The following ADAMTS2 variants were observed in gnomAD, a reference collection of about 807,000 sequenced individuals.
The protein encoded by ADAMTS2 is A disintegrin and metalloproteinase with thrombospondin motifs 2.
Under a neutral mutation model 123.0 loss-of-function variants are expected in ADAMTS2, and 50 were observed. The observed-to-expected ratio is 0.41, with a 90% CI of 0.32 to 0.51. The LOEUF is 0.51. Among genes scored for constraint, ADAMTS2 ranks in the 20% least tolerant of loss-of-function variants. The pLI is 0.35. For synonymous variants in ADAMTS2, 678 were observed against 695.4 expected (o/e 0.98, Z 0.39); for missense variants, 1,494 against 1,705.2 (o/e 0.88, Z 2.18).
chr5:179,304,338 C>T (rs1218957298), intron 2 of ADAMTS2, among the ~76,000 whole-genome samples: 1 of 152,150 alleles, frequency 6.6e-6, no homozygotes, highest in Non-Finnish European at 1.5e-5. Context: ...AAAATCTCAA[C>T]TCCTCCAGGC....
Position 179,307,830 on chromosome 5 carries a change from T to A in ADAMTS2, c.535-34766A>T, listed in dbSNP as rs1756721692. ...CTCACAAGGACCTTGGTGAAGGGTGTCCCTTCTCCATCACACTCCACACTG... is the reference window on the plus strand; with the variant it reads ...CTCACAAGGACCTTGGTGAAGGGTGACCCTTCTCCATCACACTCCACACTG... On this transcript the variant is annotated intron_variant, in intron 2 of 21. Coordinates refer to ENST00000251582, the MANE Select transcript of ADAMTS2 (RefSeq NM_014244.5). The surrounding 1 kb of genome is among the most constrained non-coding windows in gnomAD (Gnocchi z 5.6). Among the ~76,000 whole-genome samples, 1 of 152,198 alleles carries A rather than the reference T, an allele frequency of 6.6e-6. No homozygotes were observed. Among genetic ancestry groups the A allele is most frequent in the Admixed American group, 6.5e-5 (1 of 15,288 alleles).
At position 179,189,403 on chromosome 5, in the gene ADAMTS2, A is replaced by G. The variant is rs570593932; in HGVS notation, c.892-8248T>C. Among the ~76,000 whole-genome samples the G allele has an allele frequency of 1.3e-3, 195 of 149,358 alleles. 2 individuals are homozygous for G. Among genetic ancestry groups the G allele is most frequent in the African/African-American group, 4.6e-3 (185 of 40,426 alleles). The stretch of plus-strand genomic sequence containing the variant: ...CTCTCTGTTGCCCAGGTTGGAGTGC[A>G]GTGGCATGATCTCAGCTCACTGCCA... On this transcript the variant is annotated intron_variant, in intron 4 of 21. Coordinates refer to ENST00000251582, the MANE Select transcript of ADAMTS2 (RefSeq NM_014244.5). This position sits in a 1 kb window ranked among gnomAD's most constrained non-coding sequence, Gnocchi z 4.2.
chr5:179,148,965 C>G (rs1763302434), intron 10 of ADAMTS2, among the ~76,000 whole-genome samples: 1 of 250 alleles, frequency 4.0e-3, no homozygotes, highest in South Asian at 0.1. Flanking sequence ...CATCTCTTTC[C>G]TGGCACCATT....
At chr5:179,208,190 T>TGCCCGCA (rs1764763353) in intron 3 of ADAMTS2, among the ~76,000 whole-genome samples, 3 of 86,034 alleles carry the variant, frequency 3.5e-5, no homozygotes, top group Non-Finnish European at 5.9e-5. Flanking sequence ...AGCCACCTCT[T>TGCCCGCA]CTCCCCCGAA....
intron 2 of ADAMTS2, among the ~76,000 whole-genome samples, chr5:179,302,231 G>A (rs1178048563): frequency 1.3e-5 from 2 of 152,008 alleles, no homozygotes; most frequent in Non-Finnish European, 2.9e-5. Context: ...GGAGGCTGAG[G>A]TGGGCGGATC....
rs1400444545 is a variant in ADAMTS2, at chr5:179,162,625, C to T, written c.976-3746G>A. 3.3e-5 allele frequency among the ~76,000 whole-genome samples: 5 copies of T among 152,178 alleles called. No homozygotes were observed. In the East Asian group the frequency reaches 5.8e-4, roughly 18 times the overall value. The stretch of plus-strand genomic sequence containing the variant: ...CACGGTCGCCCCTGCTCGAGGGACC[C>T]AAGAGACAACAAGAGAAGGCACCTC... On this transcript the variant is annotated intron_variant, in intron 5 of 21. Coordinates refer to ENST00000251582, the MANE Select transcript of ADAMTS2 (RefSeq NM_014244.5). This position sits in a 1 kb window ranked among gnomAD's most constrained non-coding sequence, Gnocchi z 5.1.
At chr5:179,187,908 C>T (rs780751408) in intron 4 of ADAMTS2, among the ~76,000 whole-genome samples, 27 of 152,200 alleles carry the variant, frequency 1.8e-4, no homozygotes, top group Non-Finnish European at 3.1e-4. Context: ...GAGGAAGGAG[C>T]GGCTCTGCAT....
rs377675225 is a variant in ADAMTS2 at position 179,322,417 on chromosome 5, G to C, written c.534+21350C>G. Among the ~76,000 whole-genome samples the C allele has an allele frequency of 1.7e-3, 253 of 152,278 alleles. 1 individual carries two copies. Among genetic ancestry groups the C allele is most frequent in the African/African-American group, 5.9e-3 (246 of 41,566 alleles). ...CATGGTCACACAGGAGGGAGTGCAG[G>C]GTCCAGTTCTCCCTCCCCCACCCAG... On this transcript the variant is annotated intron_variant, in intron 2 of 21. Coordinates refer to ENST00000251582, the MANE Select transcript of ADAMTS2 (RefSeq NM_014244.5).
chr5:179,305,887 A>G (rs181472261), intron 2 of ADAMTS2, among the ~76,000 whole-genome samples: 1 of 152,334 alleles, frequency 6.6e-6, no homozygotes, highest in East Asian at 1.9e-4. Context: ...GAAGAAATGC[A>G]TGATTTCCTC....
chr5:179,319,442 G>T (rs112361027), intron 2 of ADAMTS2, among the ~76,000 whole-genome samples: 1 of 151,708 alleles, frequency 6.6e-6, no homozygotes, highest in Non-Finnish European at 1.5e-5. Flanking sequence ...ACATGCACAC[G>T]CCCACACATG....
At chr5:179,139,046 A>G (rs950764526) in intron 11 of ADAMTS2, among the ~76,000 whole-genome samples, 4 of 152,234 alleles carry the variant, frequency 2.6e-5, no homozygotes, top group African/African-American at 9.6e-5. Context: ...AATCTTTAAA[A>G]TACCAGACAG....
In ADAMTS2 at chr5:179,242,249, G is replaced by A. The variant is rs573987883; in HGVS notation, c.688+30662C>T. 1.3e-5 allele frequency among the ~76,000 whole-genome samples: 2 copies of A among 152,194 alleles called. No individual in the cohort carries two copies. Among genetic ancestry groups the A allele is most frequent in the African/African-American group, 2.4e-5 (1 of 41,440 alleles). ...AGAGACGCTGAGCCTTGGCAGCCTCGTGTGGGCCAGCGGTGCCTGCTGTCT... is the reference window on the plus strand; with the variant it reads ...AGAGACGCTGAGCCTTGGCAGCCTCATGTGGGCCAGCGGTGCCTGCTGTCT... On this transcript the variant is annotated intron_variant, in intron 3 of 21. Transcript: ENST00000251582. The surrounding 1 kb of genome is among the most constrained non-coding windows in gnomAD (Gnocchi z 4.2).
At chr5:179,306,612 G>A (rs905393119) in intron 2 of ADAMTS2, among the ~76,000 whole-genome samples, 3 of 152,124 alleles carry the variant, frequency 2.0e-5, no homozygotes, top group African/African-American at 7.2e-5. Context: ...CCAGCACCCA[G>A]CACAGACCCT....
chr5:179,332,958 C>T lies in ADAMTS2; in HGVS notation c.534+10809G>A, dbSNP rs1757519238. On this transcript the variant is annotated intron_variant, in intron 2 of 21. Coordinates refer to ENST00000251582, the MANE Select transcript of ADAMTS2 (RefSeq NM_014244.5). This position sits in a 1 kb window ranked among gnomAD's most constrained non-coding sequence, Gnocchi z 4.2. ...ACAGCCCTGCAGCAAAGGCCAGCTA[C>T]TGCCCTGGGAGCCCTCACCCCCTTA... is the stretch of plus-strand genomic sequence containing the variant. Among the ~76,000 whole-genome samples the T allele has an allele frequency of 6.6e-6, 1 of 152,214 alleles. No homozygotes were observed. Among genetic ancestry groups the T allele is most frequent in the African/African-American group, 2.4e-5 (1 of 41,456 alleles).
At chr5:179,127,903 A>G in intron 17 of ADAMTS2, 56 bp downstream of exon 17, 1 of 1,606,802 alleles carries the variant, frequency 6.2e-7, no homozygotes, top group South Asian at 1.1e-5. Flanking sequence ...GATGCTCCCT[A>G]CCTTCTCGTG....
intron 5 of ADAMTS2, among the ~76,000 whole-genome samples, chr5:179,176,751 C>T (rs1199501384): frequency 6.6e-6 from 1 of 152,232 alleles, no homozygotes; most frequent in African/African-American, 2.4e-5. Flanking sequence ...CTTAAAGCTG[C>T]CCTCATGGGC....
chr5:179,266,364 C>T (rs1002054543), intron 3 of ADAMTS2, among the ~76,000 whole-genome samples: 2 of 152,160 alleles, frequency 1.3e-5, no homozygotes, highest in African/African-American at 2.4e-5. Flanking sequence ...TAAATGTTAT[C>T]ACAAGTGTCC....
At position 179,115,179 on chromosome 5, in the gene ADAMTS2, C is replaced by G. The variant is rs1762638255; in HGVS notation, c.3179-855G>C. ...GAGCCCCGACTCTCCACAGAAGCCA[C>G]CATTATCTCTCACTTTCCACCCAGC... On this transcript the variant is annotated intron_variant, in intron 21 of 21. Coordinates refer to ENST00000251582, the MANE Select transcript of ADAMTS2 (RefSeq NM_014244.5). This position sits in a 1 kb window ranked among gnomAD's most constrained non-coding sequence, Gnocchi z 4.4. Among the ~76,000 whole-genome samples, 1 of 152,190 alleles carries G rather than the reference C, an allele frequency of 6.6e-6. No homozygotes were observed. Among genetic ancestry groups the G allele is most frequent in the Non-Finnish European group, 1.5e-5 (1 of 68,038 alleles).
chr5:179,322,961 G>T (rs1392678107), intron 2 of ADAMTS2, among the ~76,000 whole-genome samples: 1 of 152,258 alleles, frequency 6.6e-6, no homozygotes, highest in Non-Finnish European at 1.5e-5. Context: ...TGCCCAGCAT[G>T]GGTGCGTGAG....
Sources: gnomAD v4.1 joint callset for allele counts (sites outside exome capture counted in the v4.1 genomes callset) on GRCh38, gnomAD v4.1.1 for gene constraint, Gnocchi (gnomAD v3.1) non-coding constraint, MANE v1.5 for transcripts, NCBI Gene and HGNC (gene_info 2026-07-23, HGNC 2026-07-21) for gene names.